The following COP1 variants were observed in gnomAD, a reference collection of about 807,000 sequenced individuals.
COP1 encodes the protein COP1 E3 ubiquitin ligase.
Under a neutral mutation model 101.3 loss-of-function variants are expected in COP1, and 24 were observed. That is an observed-to-expected ratio of 0.24 (90% CI 0.17 to 0.33). The LOEUF is 0.33. Among genes scored for constraint, COP1 ranks in the 10% least tolerant of loss-of-function variants. COP1 has a pLI of 1.00. For missense variants in COP1, 663 were observed against 906.2 expected (o/e 0.73, Z 3.45); for synonymous variants, 347 against 341.9 (o/e 1.01, Z -0.17).
chr1:176,036,346 CA>C (rs1484330605), intron 14 of COP1, among the ~76,000 whole-genome samples: 1 of 151,144 alleles, frequency 6.6e-6, no homozygotes, highest in Non-Finnish European at 1.5e-5. Flanking sequence ...TCAACAAAAC[CA>C]AAAGTTGAGC....
At chr1:176,151,743 G>A (rs955039633) in intron 5 of COP1, among the ~76,000 whole-genome samples, 4 of 152,036 alleles carry the variant, frequency 2.6e-5, no homozygotes, top group Admixed American at 2.0e-4. Flanking sequence ...AGTATCCTTC[G>A]GTTATATGGC....
intron 11 of COP1, among the ~76,000 whole-genome samples, chr1:176,067,758 G>A (rs1050127040): frequency 2.6e-5 from 4 of 152,176 alleles, no homozygotes; most frequent in African/African-American, 9.7e-5. Context: ...AAGGCAGAGG[G>A]TCTGAGTTGA....
rs1169551019 is a variant in COP1, at chr1:175,977,506, C to T, written c.2133+9437G>A. Among the ~76,000 whole-genome samples the T allele has an allele frequency of 2.6e-5, 4 of 151,882 alleles. No individual in the cohort carries two copies. The East Asian group carries it at 5.8e-4, about 22-fold the overall frequency. On this transcript the variant is annotated intron_variant, in intron 18 of 19. Coordinates refer to ENST00000367669, the MANE Select transcript of COP1 (RefSeq NM_022457.7). ...TTTTCCTGGAAATAGCTGATGTCAA[C>T]CCTGATAGCTTTATTTGGGAAACTG...
intron 11 of COP1, among the ~76,000 whole-genome samples, chr1:176,052,536 T>A (rs180875471): frequency 1.8e-4 from 28 of 152,296 alleles, no homozygotes; most frequent in African/African-American, 5.1e-4. Context: ...CCCCATTTAC[T>A]ACTATGTAAA....
At chr1:175,991,480 A>G (rs61820953) in intron 15 of COP1, among the ~76,000 whole-genome samples, 16,389 of 152,224 alleles carry the variant, frequency 0.11, 972 homozygotes, top group Middle Eastern at 0.16. Flanking sequence ...GTAAATGAAC[A>G]TGAAGGCCTA....
chr1:175,955,695 A>G (rs1424152780), intron 18 of COP1, among the ~76,000 whole-genome samples: 1 of 151,702 alleles, frequency 6.6e-6, no homozygotes, highest in Non-Finnish European at 1.5e-5. Flanking sequence ...CTAACAATAA[A>G]TGATAAGCAA....
At chr1:175,956,056 AAAAAT>A (rs1471149883) in intron 18 of COP1, among the ~76,000 whole-genome samples, 8 of 152,306 alleles carry the variant, frequency 5.3e-5, no homozygotes, top group Middle Eastern at 3.4e-3. Context: ...TTGAAAAAGA[AAAAAT>A]AAAACTAGGG....
chr1:175,976,631 T>G (rs962904842), intron 18 of COP1, among the ~76,000 whole-genome samples: 2 of 152,086 alleles, frequency 1.3e-5, no homozygotes, highest in Non-Finnish European at 2.9e-5. Context: ...ACCACTATAG[T>G]CCTCTACTAG....
At position 176,207,265 on chromosome 1, in the gene COP1, G is replaced by T; in HGVS notation, c.-287C>A. On this transcript the variant is annotated 5_prime_UTR_variant, in exon 1 of 20. Transcript: ENST00000367669. ...CAGCCAACCCCGGCGCGCCGTGGCCGGCCGTGCGCGCGCGCGCGAGCGGCG... is the reference window on the plus strand; with the variant it reads ...CAGCCAACCCCGGCGCGCCGTGGCCTGCCGTGCGCGCGCGCGCGAGCGGCG... 2.6e-6 allele frequency: 1 copy of T among 389,668 alleles called. No individual in the cohort carries two copies. Among genetic ancestry groups the T allele is most frequent in the South Asian group, 1.3e-4 (1 of 7,828 alleles). The allele number at this position is 389,668 out of a possible 1,614,324, so 24.1% of individuals were successfully genotyped here.
Position 176,207,260 on chromosome 1 carries a change from T to TGG in COP1, c.-284_-283dup, listed in dbSNP as rs1700965029. ...TGTAGCAGCCAACCCCGGCGCGCCG[T>TGG]GGCCGGCCGTGCGCGCGCGCGCGAG... On this transcript the variant is annotated 5_prime_UTR_variant, in exon 1 of 20. Coordinates refer to ENST00000367669, the MANE Select transcript of COP1 (RefSeq NM_022457.7). 2.6e-6 allele frequency: 1 copy of TGG among 388,710 alleles called. No homozygotes were observed. The highest frequency in any genetic ancestry group is 4.5e-6 in the Non-Finnish European group (1 of 220,234). The allele number at this position is 388,710 out of a possible 1,614,324, so 24.1% of individuals were successfully genotyped here.
chr1:176,073,978 G>A (rs781214939), intron 11 of COP1, among the ~76,000 whole-genome samples: 18 of 152,044 alleles, frequency 1.2e-4, no homozygotes, highest in Non-Finnish European at 2.2e-4. Flanking sequence ...TCATTCTGTT[G>A]CCCAGTGCAG....
In COP1 at chr1:176,042,910, C is replaced by T. The variant is rs111984554; in HGVS notation, c.1612+276G>A. On this transcript the variant is annotated intron_variant, in intron 14 of 19. Transcript: ENST00000367669. ...CAGGCATGGTGGCACGTGGCTGTAA[C>T]TCCAGCTACTCGGGAGGGTGAGGCA... Among the ~76,000 whole-genome samples the T allele has an allele frequency of 2.7e-3, 393 of 148,230 alleles. 3 individuals carry two copies. Among genetic ancestry groups the T allele is most frequent in the African/African-American group, 9.3e-3 (375 of 40,250 alleles).
chr1:176,088,828 T>C (rs1170465566), intron 9 of COP1, among the ~76,000 whole-genome samples: 1 of 151,886 alleles, frequency 6.6e-6, no homozygotes, highest in Admixed American at 6.6e-5. Context: ...AAACCCCGTC[T>C]GTACTAAAAC....
intron 8 of COP1, among the ~76,000 whole-genome samples, chr1:176,128,785 A>G (rs184872716): frequency 4.3e-4 from 66 of 152,118 alleles, no homozygotes; most frequent in Admixed American, 3.1e-3. Context: ...CATTAAAAAA[A>G]ATTTCCAAAT....
At chr1:176,082,699 G>C (rs932937461) in intron 10 of COP1, among the ~76,000 whole-genome samples, 13 of 151,850 alleles carry the variant, frequency 8.6e-5, no homozygotes, top group African/African-American at 2.9e-4. Context: ...CTAGCTACTC[G>C]GGAGGCTAGG....
intron 11 of COP1, among the ~76,000 whole-genome samples, chr1:176,048,955 G>A (rs1019248177): frequency 1.3e-5 from 2 of 150,964 alleles, no homozygotes; most frequent in East Asian, 1.9e-4. Flanking sequence ...GGTGGATCAT[G>A]AGGTCAGGAG....
chr1:176,104,236 A>C (rs941045412), intron 9 of COP1, among the ~76,000 whole-genome samples: 2 of 152,194 alleles, frequency 1.3e-5, no homozygotes, highest in African/African-American at 4.8e-5. Flanking sequence ...AGATGAGACA[A>C]GTATTTTAAG....
chr1:176,139,069 A>T (rs1030155636), intron 6 of COP1, among the ~76,000 whole-genome samples: 1 of 152,134 alleles, frequency 6.6e-6, no homozygotes, highest in Non-Finnish European at 1.5e-5. Context: ...AAGGAACGTA[A>T]ATAAATGAAA....
At chr1:176,006,334 T>G (rs1056952962) in intron 15 of COP1, among the ~76,000 whole-genome samples, 4 of 152,198 alleles carry the variant, frequency 2.6e-5, no homozygotes, top group Non-Finnish European at 4.4e-5. Flanking sequence ...CATTGGAGCA[T>G]TTAGTCTATT....
Sources: allele counts gnomAD v4.1 joint callset (sites outside exome capture counted in the v4.1 genomes callset), GRCh38; gene constraint gnomAD v4.1.1; transcripts MANE v1.5; gene names NCBI Gene and HGNC (gene_info 2026-07-23, HGNC 2026-07-21).